ADAMTSL1: variants seen among roughly 807,000 people sequenced by gnomAD.
ADAMTSL1 encodes the protein ADAMTS-like protein 1.
In ADAMTSL1, 126 loss-of-function variants were observed where a neutral mutation model predicts 201.8. The ratio of observed to expected loss-of-function variants is 0.62; its 90% CI spans 0.54 to 0.72. The LOEUF is 0.72. Ranked by LOEUF, ADAMTSL1 falls within the 30% of genes least tolerant of loss-of-function variation. The pLI is 0.00. For synonymous variants in ADAMTSL1, 1,121 were observed against 903.4 expected (o/e 1.24, Z -4.32); for missense variants, 2,679 against 2,277.8 (o/e 1.18, Z -3.59).
intron 1 of ADAMTSL1, among the ~76,000 whole-genome samples, chr9:18,090,982 T>A (rs1238093062): frequency 1.3e-5 from 2 of 152,084 alleles, no homozygotes; most frequent in East Asian, 3.9e-4. Context: ...TTTCGCAGGT[T>A]CTCCTCAATG....
intron 2 of ADAMTSL1, among the ~76,000 whole-genome samples, chr9:18,285,099 G>A (rs1832944879): frequency 6.6e-6 from 1 of 152,086 alleles, no homozygotes; most frequent in Non-Finnish European, 1.5e-5. Flanking sequence ...TTTTAAAGTT[G>A]TTTTTAAGGT....
intron 1 of ADAMTSL1, among the ~76,000 whole-genome samples, chr9:17,949,994 C>G (rs1023373656): frequency 6.6e-6 from 1 of 152,156 alleles, no homozygotes; most frequent in Admixed American, 6.5e-5. Context: ...TCTTGGCTCA[C>G]TGCAACCTCT....
chr9:18,432,474 AAATGAGC>A (rs1819537608), intron 2 of ADAMTSL1, among the ~76,000 whole-genome samples: 1 of 152,228 alleles, frequency 6.6e-6, no homozygotes, highest in Non-Finnish European at 1.5e-5. Flanking sequence ...CATATAGTAG[AAATGAGC>A]ACTAGATTAA....
At chr9:18,701,930 A>T (rs561211273) in intron 13 of ADAMTSL1, among the ~76,000 whole-genome samples, 1 of 152,258 alleles carries the variant, frequency 6.6e-6, no homozygotes, top group South Asian at 2.1e-4. Flanking sequence ...CTGAAAAGAC[A>T]TCTCTGAGAC....
At chr9:18,515,374 G>A (rs995948266) in intron 2 of ADAMTSL1, among the ~76,000 whole-genome samples, 4 of 152,104 alleles carry the variant, frequency 2.6e-5, no homozygotes, top group African/African-American at 9.7e-5. Flanking sequence ...TGGCTGTATC[G>A]CCCAGGCTGG....
At chr9:18,766,864 T>C (rs1255396631) in intron 16 of ADAMTSL1, among the ~76,000 whole-genome samples, 1 of 151,870 alleles carries the variant, frequency 6.6e-6, no homozygotes, top group African/African-American at 2.4e-5. Flanking sequence ...TTTAGGGGAG[T>C]GGCAGGGAGG....
intron 2 of ADAMTSL1, among the ~76,000 whole-genome samples, chr9:18,356,744 G>C (rs1339663025): frequency 6.6e-6 from 1 of 152,026 alleles, no homozygotes; most frequent in Admixed American, 6.6e-5. Context: ...CATGATCAGA[G>C]AGATATGGTA....
intron 2 of ADAMTSL1, among the ~76,000 whole-genome samples, chr9:18,339,374 T>C (rs969327736): frequency 6.6e-6 from 1 of 152,042 alleles, no homozygotes; most frequent in African/African-American, 2.4e-5. Flanking sequence ...CACTAATCAC[T>C]ACAGAAATGC....
intron 23 of ADAMTSL1, among the ~76,000 whole-genome samples, chr9:18,842,124 G>C (rs897670463): frequency 6.6e-6 from 1 of 151,808 alleles, no homozygotes; most frequent in African/African-American, 2.4e-5. Flanking sequence ...TTTTAATTGT[G>C]ATGTTAGGGT....
At chr9:18,242,241 CTGAA>C (rs1831097493) in intron 2 of ADAMTSL1, among the ~76,000 whole-genome samples, 1 of 152,096 alleles carries the variant, frequency 6.6e-6, no homozygotes, top group South Asian at 2.1e-4. Flanking sequence ...ATCATGTTAA[CTGAA>C]TGAGAGATTA....
intron 2 of ADAMTSL1, among the ~76,000 whole-genome samples, chr9:18,269,917 A>C (rs567388711): frequency 6.8e-6 from 1 of 147,916 alleles, no homozygotes; most frequent in Non-Finnish European, 1.5e-5. Flanking sequence ...TGGGTGTGTT[A>C]TTAGCTCAAT....
At chr9:17,935,611 A>T (rs537206820) in intron 1 of ADAMTSL1, among the ~76,000 whole-genome samples, 1 of 152,264 alleles carries the variant, frequency 6.6e-6, no homozygotes, top group African/African-American at 2.4e-5. Context: ...TTGACAGGGA[A>T]CTTAGTTCTT....
intron 1 of ADAMTSL1, among the ~76,000 whole-genome samples, chr9:17,984,627 G>A (rs1818849553): frequency 6.6e-6 from 1 of 151,992 alleles, no homozygotes. Context: ...TACCTTTCTA[G>A]AAGTGGAAAC....
intron 2 of ADAMTSL1, among the ~76,000 whole-genome samples, chr9:18,457,531 A>G (rs1351869489): frequency 6.6e-6 from 1 of 152,124 alleles, no homozygotes; most frequent in African/African-American, 2.4e-5. Flanking sequence ...ACAGTAGCTC[A>G]CTTTGTCACC....
At chr9:18,202,481 G>T (rs1829490258) in intron 2 of ADAMTSL1, among the ~76,000 whole-genome samples, 1 of 152,166 alleles carries the variant, frequency 6.6e-6, no homozygotes, top group Non-Finnish European at 1.5e-5. Context: ...TCTCTTTCAA[G>T]TTGGTCACAT....
intron 2 of ADAMTSL1, among the ~76,000 whole-genome samples, chr9:18,248,717 A>G (rs1409040198): frequency 6.6e-6 from 1 of 152,208 alleles, no homozygotes; most frequent in African/African-American, 2.4e-5. Context: ...GCGGGGGGCC[A>G]TAACCCTTTT....
chr9:18,057,040 G>A (rs1586959295), intron 1 of ADAMTSL1, among the ~76,000 whole-genome samples: 1 of 152,070 alleles, frequency 6.6e-6, no homozygotes, highest in Admixed American at 6.5e-5. Context: ...AGCTTTAAGG[G>A]GCATCTGGAA....
At chr9:18,302,721 T>C (rs2132737853) in intron 2 of ADAMTSL1, among the ~76,000 whole-genome samples, 1 of 152,328 alleles carries the variant, frequency 6.6e-6, no homozygotes, top group Admixed American at 6.5e-5. Context: ...AATGCTGTCT[T>C]ATGTTTCTTA....
At chr9:18,397,903 T>G (rs1817817666) in intron 2 of ADAMTSL1, among the ~76,000 whole-genome samples, 1 of 152,140 alleles carries the variant, frequency 6.6e-6, no homozygotes, top group Non-Finnish European at 1.5e-5. Context: ...TTCAACTTGA[T>G]GTTTTCTCCC....
Sources: allele counts gnomAD v4.1 joint callset (sites outside exome capture counted in the v4.1 genomes callset), GRCh38; gene constraint gnomAD v4.1.1; transcripts MANE v1.5; gene names NCBI Gene and HGNC (gene_info 2026-07-23, HGNC 2026-07-21).